Variants in ZFAND3 observed in about 807,000 individuals in gnomAD.
ZFAND3 encodes the protein zinc finger AN1-type containing 3.
A neutral mutation model predicts 29.6 loss-of-function variants in ZFAND3; 10 were observed. That is an observed-to-expected ratio of 0.34 (90% CI 0.21 to 0.57). ZFAND3 has a LOEUF of 0.57. Ranked by LOEUF, ZFAND3 falls within the 20% of genes least tolerant of loss-of-function variation. ZFAND3 has a pLI of 0.86. For synonymous variants in ZFAND3, 128 were observed against 112.6 expected, an observed-to-expected ratio of 1.14 and a Z score of -0.87; for missense variants, 230 against 304.5, an observed-to-expected ratio of 0.76 and a Z score of 1.82.
At chr6:37,974,605 A>C (rs2127429938) in intron 2 of ZFAND3, among the ~76,000 whole-genome samples, 1 of 152,044 alleles carries the variant, frequency 6.6e-6, no homozygotes, top group South Asian at 2.1e-4. Flanking sequence ...TGTGCTGCCC[A>C]GGCTGGTCTC....
At chr6:37,890,178 T>C (rs908803746) in intron 1 of ZFAND3, among the ~76,000 whole-genome samples, 1 of 152,254 alleles carries the variant, frequency 6.6e-6, no homozygotes. Flanking sequence ...GCTGGAATAT[T>C]CTGAAATTAA....
chr6:38,138,354 T>C (rs564475211), intron 5 of ZFAND3, among the ~76,000 whole-genome samples: 12 of 152,304 alleles, frequency 7.9e-5, no homozygotes, highest in South Asian at 6.2e-4. Flanking sequence ...ATTATATTCA[T>C]GTACTACCTT....
At chr6:37,896,550 C>CTTTCTTTCTTTCTTTCTT in intron 1 of ZFAND3, among the ~76,000 whole-genome samples, 1 of 125,932 alleles carries the variant, frequency 7.9e-6, no homozygotes, top group East Asian at 2.1e-4. Flanking sequence ...TTCTTTCTTT[C>CTTTCTTTCTTTCTTTCTT]TTTCTTTCTT....
chr6:38,108,299 C>T (rs764283531), intron 4 of ZFAND3, among the ~76,000 whole-genome samples: 3 of 151,908 alleles, frequency 2.0e-5, no homozygotes, highest in Non-Finnish European at 2.9e-5. Context: ...AGGGACAGAA[C>T]CAATAGGATA....
At chr6:38,075,783 G>A (rs1031330295) in intron 3 of ZFAND3, among the ~76,000 whole-genome samples, 1 of 151,672 alleles carries the variant, frequency 6.6e-6, no homozygotes, top group Non-Finnish European at 1.5e-5. Flanking sequence ...ACAGAGCCTC[G>A]CTCTGTCGCC....
At chr6:37,916,879 T>C (rs1038891405) in intron 1 of ZFAND3, among the ~76,000 whole-genome samples, 1 of 152,172 alleles carries the variant, frequency 6.6e-6, no homozygotes, top group African/African-American at 2.4e-5. Context: ...TGGCGAATCA[T>C]CCCCTTCTCC....
intron 2 of ZFAND3, among the ~76,000 whole-genome samples, chr6:37,978,509 T>C (rs1383972728): frequency 6.6e-6 from 1 of 152,120 alleles, no homozygotes; most frequent in Non-Finnish European, 1.5e-5. Context: ...AGAGTTGCTG[T>C]TGTTTCTTCT....
chr6:37,909,276 CT>C (rs142698620), intron 1 of ZFAND3, among the ~76,000 whole-genome samples: 28,726 of 139,650 alleles, frequency 0.21, 2,811 homozygotes, highest in African/African-American at 0.34. Flanking sequence ...TTCTTTTTTT[CT>C]TTTTTTTTTT....
chr6:37,856,683 A>G (rs1232509937), intron 1 of ZFAND3, among the ~76,000 whole-genome samples: 1 of 152,190 alleles, frequency 6.6e-6, no homozygotes, highest in Non-Finnish European at 1.5e-5. Flanking sequence ...TTTGTATTTC[A>G]TAAATAATAA....
intron 2 of ZFAND3, 68 bp downstream of exon 2, chr6:37,930,067 T>A (rs1413402857): frequency 2.1e-6 from 3 of 1,434,136 alleles, no homozygotes; most frequent in Admixed American, 2.2e-5. Context: ...TTGGTTCTTT[T>A]TAAGACTAAA....
At chr6:37,945,400 A>G (rs1761884053) in intron 2 of ZFAND3, among the ~76,000 whole-genome samples, 1 of 152,108 alleles carries the variant, frequency 6.6e-6, no homozygotes, top group African/African-American at 2.4e-5. Flanking sequence ...GATCATTGAC[A>G]TAGTCTTTTT....
chr6:37,926,785 T>C (rs1175532678), intron 1 of ZFAND3, among the ~76,000 whole-genome samples: 1 of 152,212 alleles, frequency 6.6e-6, no homozygotes, highest in Non-Finnish European at 1.5e-5. Context: ...AAGAGAGCTC[T>C]GTTGTCTGTT....
chr6:38,086,797 C>G (rs1359223414), intron 4 of ZFAND3, among the ~76,000 whole-genome samples: 1 of 152,062 alleles, frequency 6.6e-6, no homozygotes, highest in Non-Finnish European at 1.5e-5. Flanking sequence ...AATGCAATCC[C>G]TATCAAAATA....
chr6:38,061,814 CT>C (rs566916562), intron 3 of ZFAND3, 39 bp downstream of exon 3: 147 of 1,601,122 alleles, frequency 9.2e-5, no homozygotes, highest in Non-Finnish European at 1.2e-4. Context: ...GAGAGAGCAG[CT>C]TAAGAACTTT....
intron 2 of ZFAND3, among the ~76,000 whole-genome samples, chr6:38,021,626 T>C (rs545285562): frequency 3.3e-4 from 50 of 152,344 alleles, no homozygotes; most frequent in African/African-American, 1.2e-3. Flanking sequence ...CCATAATCTG[T>C]CTTCTTGTGG....
chr6:38,098,525 GAGTCTCGCTCTGTTGCCC>G (rs1394431169), intron 4 of ZFAND3, among the ~76,000 whole-genome samples: 35 of 149,000 alleles, frequency 2.3e-4, no homozygotes, highest in Admixed American at 8.7e-4. Flanking sequence ...TTTTGAGACA[GAGTCTCGCTCTGTTGCCC>G]AGGCTGGAGT....
chr6:38,101,176 TA>T (rs1765085518), intron 4 of ZFAND3, among the ~76,000 whole-genome samples: 1 of 152,232 alleles, frequency 6.6e-6, no homozygotes, highest in African/African-American at 2.4e-5. Context: ...ACAATTTTCA[TA>T]ATAATGATTT....
At chr6:37,871,961 G>T (rs1221824817) in intron 1 of ZFAND3, among the ~76,000 whole-genome samples, 2 of 152,104 alleles carry the variant, frequency 1.3e-5, no homozygotes, top group African/African-American at 2.4e-5. Context: ...TCTTACCTGG[G>T]CTGCTGTAGT....
At chr6:37,949,475 A>T (rs369813020) in intron 2 of ZFAND3, among the ~76,000 whole-genome samples, 1 of 152,070 alleles carries the variant, frequency 6.6e-6, no homozygotes. Context: ...CTCCAGTTCA[A>T]TTCTGACACT....
Sources: allele counts gnomAD v4.1 joint callset (sites outside exome capture counted in the v4.1 genomes callset), GRCh38; gene constraint gnomAD v4.1.1; transcripts MANE v1.5; gene names NCBI Gene and HGNC (gene_info 2026-07-23, HGNC 2026-07-21).